SPIRE1: variants seen among roughly 807,000 people sequenced by gnomAD.
SPIRE1 encodes the protein protein spire homolog 1.
Under a neutral mutation model 94.1 loss-of-function variants are expected in SPIRE1, and 40 were observed. The observed-to-expected ratio is 0.43, with a 90% CI of 0.33 to 0.55. The LOEUF (loss-of-function observed/expected upper bound fraction) is 0.55, where lower values mean the gene tolerates loss of function less well. Ranked by LOEUF, SPIRE1 falls within the 20% of genes least tolerant of loss-of-function variation. The pLI is 0.06. For synonymous variants in SPIRE1, 376 were observed against 371.7 expected, an observed-to-expected ratio of 1.01 and a Z score of -0.13; for missense variants, 838 against 975.2, an observed-to-expected ratio of 0.86 and a Z score of 1.87.
intron 2 of SPIRE1, among the ~76,000 whole-genome samples, chr18:12,633,895 A>G (rs2144812018): frequency 6.6e-6 from 1 of 152,298 alleles, no homozygotes; most frequent in Non-Finnish European, 1.5e-5. Flanking sequence ...AATCCCTGCA[A>G]TGAACACATA....
intron 6 of SPIRE1, among the ~76,000 whole-genome samples, chr18:12,501,469 C>A (rs181752736): frequency 1.3e-5 from 2 of 152,192 alleles, no homozygotes; most frequent in Non-Finnish European, 2.9e-5. Context: ...ACTGCGACTG[C>A]GCCTCCCGAG....
chr18:12,557,995 CCTAT>C (rs1244242094), intron 2 of SPIRE1, among the ~76,000 whole-genome samples: 1 of 152,076 alleles, frequency 6.6e-6, no homozygotes, highest in South Asian at 2.1e-4. Flanking sequence ...AAACTAGACC[CCTAT>C]CTATCGCTAT....
chr18:12,658,214 C>T, upstream of SPIRE1: 2 of 576,354 alleles, frequency 3.5e-6, no homozygotes, highest in South Asian at 3.1e-5. Context: ...AGGTGAGGAC[C>T]AGGCAGGAGG....
intron 2 of SPIRE1, among the ~76,000 whole-genome samples, chr18:12,622,187 A>G (rs2037490401): frequency 6.6e-6 from 1 of 152,176 alleles, no homozygotes; most frequent in Non-Finnish European, 1.5e-5. Context: ...GTTTGTTCCC[A>G]AACCTATTTA....
intron 1 of SPIRE1, among the ~76,000 whole-genome samples, chr18:12,648,313 C>T (rs1442618859): frequency 6.6e-6 from 1 of 152,116 alleles, no homozygotes. Flanking sequence ...AATCAAGTGT[C>T]CAGGTTATCG....
rs370292295 is a variant in SPIRE1 at position 12,524,248 on chromosome 18, T to C, written c.729+11228A>G. On this transcript the variant is annotated intron_variant, in intron 4 of 16. Coordinates refer to ENST00000409402, the MANE Select transcript of SPIRE1 (RefSeq NM_001128626.2). ...ATTGTTTTACCCCATAATTGTAATGTCTGGTCAAATATTAGCAGCTAAAGA... is the reference window on the plus strand; with the variant it reads ...ATTGTTTTACCCCATAATTGTAATGCCTGGTCAAATATTAGCAGCTAAAGA... 3.0e-4 allele frequency among the ~76,000 whole-genome samples: 46 copies of C among 152,340 alleles called. 1 individual carries two copies. Among genetic ancestry groups the C allele is most frequent in the African/African-American group, 1.1e-3 (45 of 41,582 alleles).
intron 2 of SPIRE1, among the ~76,000 whole-genome samples, chr18:12,618,094 C>CTTATTTT: frequency 6.6e-6 from 1 of 151,516 alleles, no homozygotes; most frequent in East Asian, 1.9e-4. Context: ...CTATAAGGTA[C>CTTATTTT]TTATTTTTTA....
intron 3 of SPIRE1, among the ~76,000 whole-genome samples, chr18:12,541,683 C>G (rs2035017767): frequency 6.6e-6 from 1 of 151,846 alleles, no homozygotes; most frequent in Admixed American, 6.6e-5. Context: ...CTCAAGCTTT[C>G]TATGTCCTAT....
chr18:12,531,016 T>C (rs11664219), intron 4 of SPIRE1, among the ~76,000 whole-genome samples: 6,944 of 152,276 alleles, frequency 0.046, 174 homozygotes, highest in South Asian at 0.096. Context: ...ATCTCAGTCT[T>C]TGACACTTCT....
chr18:12,493,013 AT>A, intron 8 of SPIRE1, 58 bp downstream of exon 8: 1 of 1,533,330 alleles, frequency 6.5e-7, no homozygotes, highest in Non-Finnish European at 8.7e-7. Context: ...GGCTGGGTGT[AT>A]AAAGATCCTT....
chr18:12,644,894 A>C lies in SPIRE1; in HGVS notation c.338-9798T>G, dbSNP rs535823267. 3.3e-4 allele frequency among the ~76,000 whole-genome samples: 50 copies of C among 152,316 alleles called. 1 individual carries two copies. The highest frequency in any genetic ancestry group is 1.2e-3 in the African/African-American group (48 of 41,580). ...ACATATATTTCTTCATTTGAGTCTC[A>C]TAACAATTTCACAAGAAGGGCTGGA... On this transcript the variant is annotated intron_variant, in intron 1 of 16. Coordinates refer to ENST00000409402, the MANE Select transcript of SPIRE1 (RefSeq NM_001128626.2).
Position 12,449,562 on chromosome 18 carries a change from G to A in SPIRE1, c.*76C>T. 1 of 1,457,392 alleles carries A rather than the reference G, an allele frequency of 6.9e-7. No individual in the cohort carries two copies. Among genetic ancestry groups the A allele is most frequent in the South Asian group, 1.4e-5 (1 of 73,958 alleles). 90.3% of individuals were successfully genotyped at this position (1,457,392 alleles called of 1,614,324 possible). On this transcript the variant is annotated 3_prime_UTR_variant, in exon 17 of 17. Transcript: ENST00000409402. ...AGCCCATTAAATAAAACCACAGAAA[G>A]GAGAGCCAGCCCGGCTCAGTGTCCT...
chr18:12,496,217 G>A, intron 6 of SPIRE1, 115 bp from the exon 7 acceptor site: 1 of 668,604 alleles, frequency 1.5e-6, no homozygotes, highest in South Asian at 1.9e-5. Context: ...AATTACCAAG[G>A]ATACATTTCA....
intron 2 of SPIRE1, among the ~76,000 whole-genome samples, chr18:12,616,427 G>A (rs1441364284): frequency 6.6e-6 from 1 of 152,246 alleles, no homozygotes; most frequent in Non-Finnish European, 1.5e-5. Context: ...CCAGGATCCA[G>A]GGAAGTGGGT....
intron 2 of SPIRE1, among the ~76,000 whole-genome samples, chr18:12,587,582 C>T (rs2036420814): frequency 6.6e-6 from 1 of 152,012 alleles, no homozygotes; most frequent in South Asian, 2.1e-4. Flanking sequence ...GAAATCAGTC[C>T]CAAGCCCCTT....
At chr18:12,658,633 A>G (rs1485740890), upstream of SPIRE1, 9 of 469,658 alleles carry the variant, frequency 1.9e-5, no homozygotes, top group African/African-American at 4.0e-5. Context: ...GATGCCTAAG[A>G]AAATGCAGGC....
intron 5 of SPIRE1, among the ~76,000 whole-genome samples, chr18:12,510,883 G>T (rs2034013887): frequency 6.6e-6 from 1 of 152,112 alleles, no homozygotes; most frequent in African/African-American, 2.4e-5. Flanking sequence ...TTCACTGTCT[G>T]TACCCAAGAC....
At chr18:12,563,547 A>G (rs533664784) in intron 2 of SPIRE1, among the ~76,000 whole-genome samples, 1 of 152,224 alleles carries the variant, frequency 6.6e-6, no homozygotes, top group African/African-American at 2.4e-5. Context: ...ATTATTCATA[A>G]AAACAAATGC....
chr18:12,494,373 A>C (rs939757344), intron 7 of SPIRE1, among the ~76,000 whole-genome samples: 9 of 152,174 alleles, frequency 5.9e-5, no homozygotes, highest in Non-Finnish European at 8.8e-5. Context: ...TTGTGGAGCC[A>C]GTGTTCAAGT....
Sources: allele counts gnomAD v4.1 joint callset (sites outside exome capture counted in the v4.1 genomes callset), GRCh38; gene constraint gnomAD v4.1.1; transcripts MANE v1.5; gene names NCBI Gene and HGNC (gene_info 2026-07-23, HGNC 2026-07-21).